AGAP3: variants seen among roughly 807,000 people sequenced by gnomAD.
AGAP3 encodes the protein arf-GAP with GTPase, ANK repeat and PH domain-containing protein 3.
A neutral mutation model predicts 96.9 loss-of-function variants in AGAP3; 24 were observed. The ratio of observed to expected loss-of-function variants is 0.25; its 90% confidence interval spans 0.18 to 0.35. AGAP3 has a LOEUF of 0.35. Among genes scored for constraint, AGAP3 ranks in the 10% least tolerant of loss-of-function variants. The pLI is 1.00. For synonymous variants in AGAP3, 563 were observed against 536.1 expected, an observed-to-expected ratio of 1.05 and a Z score of -0.69; for missense variants, 876 against 1,254.2, an observed-to-expected ratio of 0.70 and a Z score of 4.55.
Position 151,096,951 on chromosome 7 carries a change from AT to A in AGAP3, c.331+9884del, listed in dbSNP as rs1346588832. Among the ~76,000 whole-genome samples the A allele has an allele frequency of 6.6e-6, 1 of 151,268 alleles. No homozygotes were observed. Among genetic ancestry groups the A allele is most frequent in the African/African-American group, 2.4e-5 (1 of 41,096 alleles). ...AGGCACATGCCACCATGTCTGGCTA[AT>A]TTTTGTATTTTTTGTAGAGACGGGG... On this transcript the variant is annotated intron_variant, in intron 1 of 17. Transcript: ENST00000397238. This position sits in a 1 kb window ranked among gnomAD's most constrained non-coding sequence, Gnocchi z 4.4.
At chr7:151,086,040 CT>C (rs1798130022), upstream of AGAP3, 1 of 152,488 alleles carries the variant, frequency 6.6e-6, no homozygotes, top group African/African-American at 2.4e-5. Context: ...CCTGGGCGGA[CT>C]CCTCGGCCAA....
At chr7:151,099,583 G>A (rs990804959) in intron 1 of AGAP3, among the ~76,000 whole-genome samples, 1 of 152,198 alleles carries the variant, frequency 6.6e-6, no homozygotes, top group Non-Finnish European at 1.5e-5. Flanking sequence ...TTCCCACCTT[G>A]GGTCCTGTGC....
At chr7:151,135,991 G>A (rs961760230) in intron 11 of AGAP3, among the ~76,000 whole-genome samples, 2 of 152,182 alleles carry the variant, frequency 1.3e-5, no homozygotes. Flanking sequence ...AGAAGGAGAA[G>A]GCCGGCCACC....
At position 151,086,864 on chromosome 7, in the gene AGAP3, C is replaced by T. The variant is rs1405804066; in HGVS notation, c.123C>T (p.Pro41=). 3.6e-6 allele frequency: 4 copies of T among 1,125,720 alleles called. No homozygotes were observed. The highest frequency in any genetic ancestry group is 8.7e-5 in the East Asian group (2 of 23,082). 69.7% of individuals were successfully genotyped at this position (1,125,720 alleles called of 1,614,324 possible). ...VCGGQFGGAG[P]GAGGGGGPSQ... ...GCGGGCAGTTCGGCGGCGCGGGGCC[C>T]GGGGCCGGGGGCGGCGGCGGCCCCT... Residue 41 remains proline (P), a synonymous_variant, in exon 1 of 18, where the codon CCC becomes CCT. Transcript: ENST00000397238.
chr7:151,122,502 C>T (rs997732804), intron 8 of AGAP3, among the ~76,000 whole-genome samples: 37 of 149,078 alleles, frequency 2.5e-4, no homozygotes, highest in African/African-American at 7.8e-4. Context: ...GTGCCGCTGC[C>T]GCCCGCCGCC....
intron 1 of AGAP3, among the ~76,000 whole-genome samples, chr7:151,107,790 G>A (rs1021678564): frequency 1.3e-5 from 2 of 152,220 alleles, no homozygotes; most frequent in African/African-American, 4.8e-5. Context: ...CCTGTTCAGA[G>A]AGAACCACAT....
Position 151,138,134 on chromosome 7 carries a change from C to A in AGAP3, c.1496-9C>A. 1 of 1,581,800 alleles carries A rather than the reference C, an allele frequency of 6.3e-7. No homozygotes were observed. The highest frequency in any genetic ancestry group is 8.6e-7 in the Non-Finnish European group (1 of 1,162,148). On this transcript the variant is annotated splice_polypyrimidine_tract_variant and intron_variant, in intron 11 of 17. Transcript: ENST00000397238. ...CCTCCCTTCCCAGTCTGACCCTTCC[C>A]GCCCCCAGGTGCCCCCCACTCGGCC...
In AGAP3 at chr7:151,134,504, C is replaced by T. The variant is rs1800517703; in HGVS notation, c.1431C>T (p.Gly477=). 2 of 1,613,328 alleles carry T rather than the reference C, an allele frequency of 1.2e-6. No homozygotes were observed. Among genetic ancestry groups the T allele is most frequent in the African/African-American group, 1.3e-5 (1 of 75,070 alleles). ...LPRATPATAP[G]TSPRANGLSV... Reference sequence around the variant, plus strand: ...GAGCCACACCTGCCACAGCCCCGGGCACCAGCCCCCGTGCCAACGGGCTGT... The same window carrying T: ...GAGCCACACCTGCCACAGCCCCGGGTACCAGCCCCCGTGCCAACGGGCTGT... The change falls in exon 11 of 18, where the codon GGC becomes GGT. Residue 477 remains glycine (G), a synonymous_variant. Transcript: ENST00000397238.
intron 1 of AGAP3, among the ~76,000 whole-genome samples, chr7:151,107,031 C>T (rs191785744): frequency 2.7e-5 from 4 of 148,140 alleles, no homozygotes; most frequent in East Asian, 4.5e-4. Context: ...ATTTTGCGGC[C>T]GGGCGTGGTG....
At position 151,124,016 on chromosome 7, in the gene AGAP3, C is replaced by T. The variant is rs971076792; in HGVS notation, c.1221+130C>T. The T allele has an allele frequency of 9.1e-5, 86 of 941,998 alleles. No homozygotes were observed. In the Middle Eastern group the frequency reaches 1.3e-3, roughly 15 times the overall value. 58.4% of individuals were successfully genotyped at this position (941,998 alleles called of 1,614,324 possible). On this transcript the variant is annotated intron_variant, in intron 9 of 17. Transcript: ENST00000397238. ...CAGAGGCCAGCACCACCCTCCTAGG[C>T]GGAGTCCTTAACAAGGGACTGGCTC... is the stretch of plus-strand genomic sequence containing the variant.
chr7:151,138,218 G>T lies in AGAP3; in HGVS notation c.1571G>T (p.Arg524Leu), dbSNP rs925378481. Residue 524 changes from arginine to leucine, a missense_variant, in exon 12 of 18, where the codon CGC becomes CTC. Coordinates refer to ENST00000397238, the MANE Select transcript of AGAP3 (RefSeq NM_031946.7). ...PLSSSAWAGPRPEGLHQRSCS... is the reference protein window; with the variant it reads ...PLSSSAWAGPLPEGLHQRSCS... Reference sequence around the variant, plus strand: ...AGCAGCTCGGCCTGGGCTGGCCCGCGCCCTGAGGGGCTGCACCAGCGCTCC... The same window carrying T: ...AGCAGCTCGGCCTGGGCTGGCCCGCTCCCTGAGGGGCTGCACCAGCGCTCC... 6.8e-6 allele frequency: 11 copies of T among 1,611,900 alleles called. No homozygotes were observed. The highest frequency in any genetic ancestry group is 7.6e-6 in the Non-Finnish European group (9 of 1,179,542).
rs1259998470 is a variant in AGAP3 at position 151,117,375 on chromosome 7, G to A, written c.483G>A (p.Gly161=). 3.7e-6 allele frequency: 6 copies of A among 1,614,208 alleles called. No individual in the cohort carries two copies. The highest frequency in any genetic ancestry group is 1.1e-5 in the South Asian group (1 of 91,092). The change falls in exon 4 of 18, where the codon GGG becomes GGA. Residue 161 remains glycine, a synonymous_variant. Coordinates refer to ENST00000397238, the MANE Select transcript of AGAP3 (RefSeq NM_031946.7). The part of the protein sequence containing the change: ...TYVQEESPEG[G]RFKKEIVVDG... The stretch of plus-strand genomic sequence containing the variant: ...TGACTGCGCGCTCTGTCCTAGGGGG[G>A]CGGTTTAAGAAGGAGATTGTGGTGG...
intron 1 of AGAP3, among the ~76,000 whole-genome samples, chr7:151,093,740 G>C (rs1798488642): frequency 6.6e-6 from 1 of 152,230 alleles, no homozygotes; most frequent in Non-Finnish European, 1.5e-5. Context: ...GTGTTCATTT[G>C]CGTATTTGGC....
chr7:151,118,072 A>T lies in AGAP3; in HGVS notation c.707-138A>T. On this transcript the variant is annotated intron_variant, in intron 5 of 17. Transcript: ENST00000397238. The surrounding 1 kb of genome is among the most constrained non-coding windows in gnomAD (Gnocchi z 6.1). ...CCATGGAAGGGTTGAAATGAGACCC[A>T]GGCACCCGCGTTCTTGGTGCTCTGT... The T allele has an allele frequency of 8.3e-7, 1 of 1,202,442 alleles. No homozygotes were observed. The highest frequency in any genetic ancestry group is 1.2e-6 in the Non-Finnish European group (1 of 865,946). 74.5% of individuals were successfully genotyped at this position (1,202,442 alleles called of 1,614,324 possible).
intron 1 of AGAP3, among the ~76,000 whole-genome samples, chr7:151,104,092 A>G (rs1017922101): frequency 6.6e-6 from 1 of 152,068 alleles, no homozygotes; most frequent in African/African-American, 2.4e-5. Flanking sequence ...TGATCATTCC[A>G]CACGCTCGAA....
At chr7:151,091,928 A>T (rs1460530846) in intron 1 of AGAP3, among the ~76,000 whole-genome samples, 2 of 152,182 alleles carry the variant, frequency 1.3e-5, no homozygotes, top group Non-Finnish European at 2.9e-5. Flanking sequence ...TGATGAAGAT[A>T]ACGGAGGCAG....
At chr7:151,119,145 AGCCCCGCCC>A (rs1799742703) in intron 7 of AGAP3, 1 of 177,282 alleles carries the variant, frequency 5.6e-6, no homozygotes, top group Non-Finnish European at 1.2e-5. Context: ...GTCTCTGAGC[AGCCCCGCCC>A]GACACCGACG....
chr7:151,125,387 C>T (rs1281161933), intron 9 of AGAP3, among the ~76,000 whole-genome samples: 1 of 152,224 alleles, frequency 6.6e-6, no homozygotes, highest in Non-Finnish European at 1.5e-5. Context: ...GCCCTGTGAA[C>T]TTGAACCTGG....
chr7:151,116,879 C>G (rs749300889), intron 2 of AGAP3, 28 bp downstream of exon 2: 1 of 1,607,030 alleles, frequency 6.2e-7, no homozygotes, highest in Non-Finnish European at 8.5e-7. Context: ...GCAGCACCGG[C>G]GGCCTGGAGC....
Sources: gnomAD v4.1 joint callset for allele counts (sites outside exome capture counted in the v4.1 genomes callset) on GRCh38, gnomAD v4.1.1 for gene constraint, Gnocchi (gnomAD v3.1) non-coding constraint, MANE v1.5 for transcripts, NCBI Gene and HGNC (gene_info 2026-07-23, HGNC 2026-07-21) for gene names.